Variants in ZNF217 observed in about 807,000 individuals in gnomAD.
ZNF217 encodes the protein zinc finger protein 217.
A neutral mutation model predicts 73.3 loss-of-function variants in ZNF217; 12 were observed. The observed-to-expected ratio is 0.16, with a 90% CI of 0.10 to 0.27. The LOEUF (loss-of-function observed/expected upper bound fraction) is 0.27. Among genes scored for constraint, ZNF217 ranks in the 10% least tolerant of loss-of-function variants. The probability of loss-of-function intolerance (pLI) is 1.00; values close to 1 mark genes in which losing one functional copy is unlikely to be tolerated. For missense variants in ZNF217, 1,195 were observed against 1,327.8 expected (o/e 0.90, Z 1.55); for synonymous variants, 588 against 516.4 (o/e 1.14, Z -1.88).
At chr20:53,579,695 T>C (rs927559768) in intron 2 of ZNF217, among the ~76,000 whole-genome samples, 4 of 152,248 alleles carry the variant, frequency 2.6e-5, no homozygotes, top group African/African-American at 7.2e-5. Context: ...CTTTCAAGCA[T>C]CACCTCTGAC....
At chr20:53,578,854 T>G (rs1988382049) in intron 2 of ZNF217, among the ~76,000 whole-genome samples, 1 of 152,116 alleles carries the variant, frequency 6.6e-6, no homozygotes. Flanking sequence ...TTCAGAATAA[T>G]TTAGAAAAAT....
chr20:53,573,754 C>A (rs1988119375), intron 4 of ZNF217, among the ~76,000 whole-genome samples: 1 of 152,162 alleles, frequency 6.6e-6, no homozygotes, highest in African/African-American at 2.4e-5. Context: ...CCACCACATC[C>A]AGCACCTCCC....
In ZNF217 at chr20:53,582,955, G is replaced by GA; in HGVS notation, c.-130dup. 1 of 1,022,668 alleles carries GA rather than the reference G, an allele frequency of 9.8e-7. No homozygotes were observed. The highest frequency in any genetic ancestry group is 1.4e-6 in the Non-Finnish European group (1 of 707,074). 63.3% of individuals were successfully genotyped at this position (1,022,668 alleles called of 1,614,324 possible). On this transcript the variant is annotated 5_prime_UTR_variant, in exon 2 of 6. Coordinates refer to ENST00000371471, the MANE Select transcript of ZNF217 (RefSeq NM_006526.3). The surrounding 1 kb of genome is among the most constrained non-coding windows in gnomAD (Gnocchi z 4.8). Reference sequence around the variant, plus strand: ...AAATATTTATTATAAAAGTTCAAAAGAAAGTGTATAGTCCTCTAACTTCTT... The same window carrying GA: ...AAATATTTATTATAAAAGTTCAAAAGAAAAGTGTATAGTCCTCTAACTTCTT...
In ZNF217 at chr20:53,581,596, A is replaced by T. The variant is rs549992803; in HGVS notation, c.1231T>A (p.Ser411Thr). The T allele has an allele frequency of 6.2e-7, 1 of 1,614,190 alleles. No individual in the cohort carries two copies. The highest frequency in any genetic ancestry group is 1.1e-5 in the South Asian group (1 of 91,090). The change falls in exon 2 of 6, where the codon TCT becomes ACT. Residue 411 changes from serine (S) to threonine (T), a missense_variant. Around this residue, in one of 9 missense-constraint regions of ZNF217, gnomAD observed 116 missense variants for 121.9 expected, o/e 0.95. Transcript: ENST00000371471. This position sits in a 1 kb window ranked among gnomAD's most constrained non-coding sequence, Gnocchi z 4.9. ...RRAGAESPTM[S>T]VDGRQPGTCS... Reference sequence around the variant, plus strand: ...GTCCCCGGCTGCCTCCCGTCCACAGACATGGTGGGCGACTCCGCGCCGGCC... The same window carrying T: ...GTCCCCGGCTGCCTCCCGTCCACAGTCATGGTGGGCGACTCCGCGCCGGCC...
At chr20:53,591,796 T>C (rs1039078831) in intron 1 of ZNF217, among the ~76,000 whole-genome samples, 2 of 152,218 alleles carry the variant, frequency 1.3e-5, no homozygotes, top group African/African-American at 4.8e-5. Flanking sequence ...TCAAGGCTTT[T>C]AGAAACTACA....
chr20:53,583,693 T>C (rs1485115471), intron 1 of ZNF217, among the ~76,000 whole-genome samples: 1 of 152,236 alleles, frequency 6.6e-6, no homozygotes, highest in African/African-American at 2.4e-5. Context: ...ATTTTGCACA[T>C]ACAGAGGTCA....
At chr20:53,592,836 T>TAA (rs1279504231) in intron 1 of ZNF217, among the ~76,000 whole-genome samples, 38 of 115,596 alleles carry the variant, frequency 3.3e-4, no homozygotes, top group Admixed American at 9.0e-4. Context: ...AAACTTCCCT[T>TAA]AAAAAAAAAA....
chr20:53,579,825 A>G (rs1021705952), intron 2 of ZNF217, among the ~76,000 whole-genome samples: 2 of 152,252 alleles, frequency 1.3e-5, no homozygotes, highest in African/African-American at 2.4e-5. Context: ...ATAGTAGCAA[A>G]GAAAGGTTAA....
At chr20:53,594,700 C>G (rs1427451409), upstream of ZNF217, among the ~76,000 whole-genome samples, 2 of 152,036 alleles carry the variant, frequency 1.3e-5, no homozygotes, top group Admixed American at 1.3e-4. Context: ...CCCGCCGCCC[C>G]CTCCTCTGCA....
upstream of ZNF217, among the ~76,000 whole-genome samples, chr20:53,594,509 G>A (rs1264841565): frequency 4.6e-5 from 7 of 151,312 alleles, no homozygotes; most frequent in Non-Finnish European, 8.9e-5. Flanking sequence ...GTTCTCGCTC[G>A]GCGACTCCCG....
At chr20:53,577,318 G>GA in intron 3 of ZNF217, 38 bp from the exon 4 acceptor site, 1 of 1,528,432 alleles carries the variant, frequency 6.5e-7, no homozygotes, top group Non-Finnish European at 8.8e-7. Flanking sequence ...AGAAGTGTAT[G>GA]AAAAGCACTG....
At chr20:53,580,467 G>A (rs1052904413) in intron 2 of ZNF217, among the ~76,000 whole-genome samples, 2 of 152,174 alleles carry the variant, frequency 1.3e-5, no homozygotes, top group Non-Finnish European at 2.9e-5. Context: ...GTTTTAAGCA[G>A]CAAGATCCTC....
At chr20:53,596,287 GA>G (rs1210274755), upstream of ZNF217, among the ~76,000 whole-genome samples, 2 of 151,446 alleles carry the variant, frequency 1.3e-5, no homozygotes, top group African/African-American at 4.9e-5. Flanking sequence ...TTTTAAAACT[GA>G]AAGATGATTA....
upstream of ZNF217, among the ~76,000 whole-genome samples, chr20:53,596,757 G>A (rs1989047363): frequency 6.6e-6 from 1 of 151,840 alleles, no homozygotes; most frequent in South Asian, 2.1e-4. Flanking sequence ...CCCTGCGTAG[G>A]CCATCTCTAA....
chr20:53,571,077 G>C (rs1420006992), intron 5 of ZNF217, among the ~76,000 whole-genome samples: 1 of 152,112 alleles, frequency 6.6e-6, no homozygotes, highest in Non-Finnish European at 1.5e-5. Flanking sequence ...GTAACAGATG[G>C]GCATGATCAT....
upstream of ZNF217, among the ~76,000 whole-genome samples, chr20:53,594,161 C>T (rs1440737799): frequency 4.0e-5 from 6 of 151,464 alleles, no homozygotes; most frequent in Non-Finnish European, 7.4e-5. Context: ...GGCAAAGGCG[C>T]GGGCGCCCCC....
Position 53,568,809 on chromosome 20 carries a change from T to C in ZNF217, c.*479A>G, listed in dbSNP as rs1353543180. ...GCACAATAGCAGAAACTGCTCCAAG[T>C]GATGAGCTGCATTAGAGAAAAGGAA... On this transcript the variant is annotated 3_prime_UTR_variant, in exon 6 of 6. Transcript: ENST00000371471. 6.6e-6 allele frequency: 1 copy of C among 152,140 alleles called. No homozygotes were observed. The highest frequency in any genetic ancestry group is 6.6e-5 in the Admixed American group (1 of 15,200). 9.4% of individuals were successfully genotyped at this position (152,140 alleles called of 1,614,324 possible).
intron 4 of ZNF217, chr20:53,572,918 C>T (rs1375720169): frequency 1.3e-5 from 2 of 152,098 alleles, no homozygotes; most frequent in Non-Finnish European, 2.9e-5. Context: ...GGGAAAACCC[C>T]AGTCATCTAT....
rs768896448 is a variant in ZNF217, at chr20:53,577,025, G to A, written c.1739C>T (p.Pro580Leu). Residue 580 changes from proline to leucine, a missense_variant, in exon 4 of 6, where the codon CCT (proline) becomes CTT (leucine). Coordinates refer to ENST00000371471, the MANE Select transcript of ZNF217 (RefSeq NM_006526.3). ...SPPAKQLKEM[P>L]SVFQNVLGSA... ...GCCCAGAACATTCTGAAAAACAGAAGGCATCTCCTTAAGCTGCTTTGCAGG... is the reference window on the plus strand; with the variant it reads ...GCCCAGAACATTCTGAAAAACAGAAAGCATCTCCTTAAGCTGCTTTGCAGG... 26 of 1,614,076 alleles carry A rather than the reference G, an allele frequency of 1.6e-5. No individual in the cohort carries two copies. Among genetic ancestry groups the A allele is most frequent in the Non-Finnish European group, 2.0e-5 (24 of 1,180,048 alleles).
Sources: gnomAD v4.1 joint callset for allele counts (sites outside exome capture counted in the v4.1 genomes callset) on GRCh38, gnomAD v4.1.1 for gene constraint, gnomAD v4.1.1 regional missense constraint, Gnocchi (gnomAD v3.1) non-coding constraint, MANE v1.5 for transcripts, NCBI Gene and HGNC (gene_info 2026-07-23, HGNC 2026-07-21) for gene names.